MAP3K21: variants seen among roughly 807,000 people sequenced by gnomAD.
The protein encoded by MAP3K21 is mitogen-activated protein kinase kinase kinase MLK4.
A neutral mutation model predicts 86.1 loss-of-function variants in MAP3K21; 63 were observed. The ratio of observed to expected loss-of-function variants is 0.73; its 90% CI spans 0.60 to 0.90. The LOEUF (loss-of-function observed/expected upper bound fraction) is 0.90, where lower values mean the gene tolerates loss of function less well. Ranked by LOEUF, MAP3K21 falls within the 40% of genes least tolerant of loss-of-function variation. The probability of loss-of-function intolerance (pLI) is 0.00; values close to 1 mark genes in which losing one functional copy is unlikely to be tolerated. For missense variants in MAP3K21, 1,220 were observed against 1,367.7 expected, an observed-to-expected ratio of 0.89 and a Z score of 1.70; for synonymous variants, 558 against 564.8, an observed-to-expected ratio of 0.99 and a Z score of 0.17.
chr1:233,361,984 T>C, intron 4 of MAP3K21, 69 bp from the exon 5 acceptor site: 1 of 1,554,940 alleles, frequency 6.4e-7, no homozygotes, highest in East Asian at 2.3e-5. Flanking sequence ...GTCGCCAGTG[T>C]AGTGTAATAG....
intron 9 of MAP3K21, among the ~76,000 whole-genome samples, chr1:233,381,620 G>T (rs528706592): frequency 1.3e-5 from 2 of 151,892 alleles, no homozygotes; most frequent in South Asian, 4.2e-4. Context: ...AGATAAATTG[G>T]TTTATTATCT....
At chr1:233,376,189 C>A in intron 7 of MAP3K21, 123 bp downstream of exon 7, 1 of 840,762 alleles carries the variant, frequency 1.2e-6, no homozygotes, top group Non-Finnish European at 1.9e-6. Context: ...TAAATATCAA[C>A]AATTTTCTAG....
chr1:233,356,115 T>C (rs12135108), intron 4 of MAP3K21, among the ~76,000 whole-genome samples: 25,048 of 152,160 alleles, frequency 0.16, 2,151 homozygotes, highest in East Asian at 0.22. Flanking sequence ...TCTGTGCCCA[T>C]TTCATGAATG....
At chr1:233,370,576 A>C (rs1270837260) in intron 5 of MAP3K21, among the ~76,000 whole-genome samples, 1 of 152,216 alleles carries the variant, frequency 6.6e-6, no homozygotes, top group African/African-American at 2.4e-5. Context: ...CTCAAATAGC[A>C]GTTCATTCAT....
intron 2 of MAP3K21, among the ~76,000 whole-genome samples, chr1:233,352,363 T>C (rs994639321): frequency 1.3e-4 from 20 of 152,118 alleles, no homozygotes; most frequent in African/African-American, 4.8e-4. Flanking sequence ...CTATATGATA[T>C]ATTATTGCTA....
chr1:233,344,815 T>A (rs1175203750), intron 1 of MAP3K21, among the ~76,000 whole-genome samples: 1 of 151,918 alleles, frequency 6.6e-6, no homozygotes, highest in African/African-American at 2.4e-5. Context: ...TGGGAGAAAA[T>A]TTTTGCAATC....
In MAP3K21 at chr1:233,354,862, C is replaced by T. The variant is rs760131150; in HGVS notation, c.1162C>T (p.Arg388Cys). 7.4e-6 allele frequency: 12 copies of T among 1,613,958 alleles called. No homozygotes were observed. The highest frequency in any genetic ancestry group is 1.3e-5 in the African/African-American group (1 of 75,034). ...KECWQQDPHI[R>C]PSFALILEQL... Reference sequence around the variant, plus strand: ...ATGCTGGCAACAAGACCCTCATATTCGTCCATCGTTTGCCTTAATTCTCGA... The same window carrying T: ...ATGCTGGCAACAAGACCCTCATATTTGTCCATCGTTTGCCTTAATTCTCGA... The change falls in exon 4 of 10, where the codon CGT (arginine) becomes TGT (cysteine). Residue 388 changes from arginine to cysteine, a missense_variant. Coordinates refer to ENST00000366624, the MANE Select transcript of MAP3K21 (RefSeq NM_032435.3).
At chr1:233,335,139 C>A (rs555000313) in intron 1 of MAP3K21, among the ~76,000 whole-genome samples, 1 of 151,970 alleles carries the variant, frequency 6.6e-6, no homozygotes, top group African/African-American at 2.4e-5. Flanking sequence ...CTCCCCAAAC[C>A]CTCTGAGGCA....
chr1:233,345,924 C>T (rs74325758), intron 1 of MAP3K21, among the ~76,000 whole-genome samples: 2,114 of 152,130 alleles, frequency 0.014, 53 homozygotes, highest in African/African-American at 0.048. Context: ...CTTTTTGCTA[C>T]ATTTTGAGCT....
intron 6 of MAP3K21, among the ~76,000 whole-genome samples, chr1:233,374,603 T>TC (rs1663753457): frequency 6.6e-6 from 1 of 152,178 alleles, no homozygotes; most frequent in Non-Finnish European, 1.5e-5. Context: ...CAAAGTGATA[T>TC]AAAGGAGTTA....
chr1:233,339,964 CA>C (rs1226216930), intron 1 of MAP3K21, among the ~76,000 whole-genome samples: 1 of 152,084 alleles, frequency 6.6e-6, no homozygotes, highest in Non-Finnish European at 1.5e-5. Context: ...ATTCAGCAAA[CA>C]CTTGAGCCTG....
chr1:233,331,923 T>C (rs530095970), intron 1 of MAP3K21, among the ~76,000 whole-genome samples: 23 of 152,366 alleles, frequency 1.5e-4, no homozygotes, highest in African/African-American at 5.5e-4. Context: ...AAGCAACATT[T>C]ATGTTTTAAA....
chr1:233,337,992 TG>T (rs1283689850), intron 1 of MAP3K21, among the ~76,000 whole-genome samples: 5 of 152,264 alleles, frequency 3.3e-5, no homozygotes, highest in African/African-American at 1.2e-4. Context: ...AAATATGTTA[TG>T]TTCTTGCTAA....
intron 5 of MAP3K21, among the ~76,000 whole-genome samples, chr1:233,369,220 C>CAAAAAA (rs35461412): frequency 0.17 from 17,479 of 105,046 alleles, 1,602 homozygotes; most frequent in East Asian, 0.26. Flanking sequence ...TAGTAAAATA[C>CAAAAAA]AAAAAAAAAA....
chr1:233,371,382 A>G (rs1201388916), intron 5 of MAP3K21, among the ~76,000 whole-genome samples: 1 of 152,160 alleles, frequency 6.6e-6, no homozygotes, highest in Non-Finnish European at 1.5e-5. Context: ...TTTATTTGAG[A>G]CAGAGTCTCA....
intron 1 of MAP3K21, among the ~76,000 whole-genome samples, chr1:233,334,629 A>T (rs1363096484): frequency 6.6e-6 from 1 of 152,164 alleles, no homozygotes. Context: ...GGCATTTCGC[A>T]TGTGGTCAGG....
chr1:233,346,042 T>C (rs1236798338), intron 1 of MAP3K21, among the ~76,000 whole-genome samples: 2 of 152,234 alleles, frequency 1.3e-5, no homozygotes, highest in Non-Finnish European at 2.9e-5. Context: ...GCTATGGTAA[T>C]ATATCATCTA....
intron 1 of MAP3K21, among the ~76,000 whole-genome samples, chr1:233,339,237 CTTCTTCT>C (rs1662972282): frequency 2.4e-5 from 2 of 83,638 alleles, no homozygotes; most frequent in African/African-American, 9.2e-5. Flanking sequence ...TCTTCTTCTT[CTTCTTCT>C]TCTTCTTCTT....
intron 1 of MAP3K21, among the ~76,000 whole-genome samples, chr1:233,338,791 C>G (rs1294279): frequency 0.78 from 118,401 of 151,910 alleles, 46,395 homozygotes; most frequent in East Asian, 0.99. Context: ...ACGCAAGAGA[C>G]TTTTGAACAG....
Sources: gnomAD v4.1 joint callset for allele counts (sites outside exome capture counted in the v4.1 genomes callset) on GRCh38, gnomAD v4.1.1 for gene constraint, MANE v1.5 for transcripts, NCBI Gene and HGNC (gene_info 2026-07-23, HGNC 2026-07-21) for gene names.